Variants in AMPH observed in about 807,000 individuals in gnomAD.
AMPH encodes amphiphysin.
Under a neutral mutation model 99.1 loss-of-function variants are expected in AMPH, and 49 were observed. That is an observed-to-expected ratio of 0.49 (90% CI 0.39 to 0.63). The LOEUF (loss-of-function observed/expected upper bound fraction) is 0.63, where lower values mean the gene tolerates loss of function less well. Ranked by LOEUF, AMPH falls within the 20% of genes least tolerant of loss-of-function variation. AMPH has a pLI of 0.00. For synonymous variants in AMPH, 314 were observed against 317.3 expected (o/e 0.99, Z 0.11); for missense variants, 759 against 863.4 (o/e 0.88, Z 1.52).
At chr7:38,615,363 T>C (rs1417097178) in intron 1 of AMPH, among the ~76,000 whole-genome samples, 1 of 152,132 alleles carries the variant, frequency 6.6e-6, no homozygotes, top group Non-Finnish European at 1.5e-5. Flanking sequence ...AGAATTAAGA[T>C]ACCTTGAGTG....
intron 1 of AMPH, among the ~76,000 whole-genome samples, chr7:38,622,986 G>A (rs1426263562): frequency 6.6e-6 from 1 of 152,050 alleles, no homozygotes; most frequent in Non-Finnish European, 1.5e-5. Context: ...AACGGTATCC[G>A]AATGCTGGAC....
intron 12 of AMPH, among the ~76,000 whole-genome samples, chr7:38,434,589 A>T (rs954854430): frequency 2.0e-5 from 3 of 152,114 alleles, no homozygotes; most frequent in Non-Finnish European, 2.9e-5. Flanking sequence ...AATACAAAAA[A>T]TTAGCCAGTC....
At chr7:38,598,355 C>T (rs529212707) in intron 1 of AMPH, among the ~76,000 whole-genome samples, 6 of 151,948 alleles carry the variant, frequency 3.9e-5, no homozygotes, top group South Asian at 2.1e-4. Flanking sequence ...ATGATCTCAG[C>T]GCAGTGGCAT....
chr7:38,415,038 A>T (rs968320972), intron 17 of AMPH, among the ~76,000 whole-genome samples: 1 of 152,184 alleles, frequency 6.6e-6, no homozygotes, highest in African/African-American at 2.4e-5. Context: ...TAAAGACAAG[A>T]GTGTTGTTTT....
intron 1 of AMPH, among the ~76,000 whole-genome samples, chr7:38,594,798 A>C (rs1050466056): frequency 6.6e-6 from 1 of 152,234 alleles, no homozygotes; most frequent in Admixed American, 6.5e-5. Context: ...AAGCAAGATA[A>C]AGACATCAGT....
intron 1 of AMPH, among the ~76,000 whole-genome samples, chr7:38,554,248 C>T (rs1253214669): frequency 6.6e-6 from 1 of 152,152 alleles, no homozygotes; most frequent in Non-Finnish European, 1.5e-5. Context: ...AGCAGATAAC[C>T]AGGTAAATCT....
At chr7:38,590,842 A>G (rs1299321412) in intron 1 of AMPH, among the ~76,000 whole-genome samples, 1 of 152,256 alleles carries the variant, frequency 6.6e-6, no homozygotes, top group Non-Finnish European at 1.5e-5. Flanking sequence ...ATTGAGGACA[A>G]TGACCACAAG....
intron 1 of AMPH, among the ~76,000 whole-genome samples, chr7:38,552,975 A>G (rs756383442): frequency 6.6e-6 from 1 of 152,138 alleles, no homozygotes; most frequent in Non-Finnish European, 1.5e-5. Flanking sequence ...AACGGACCCA[A>G]TGGACTGCAT....
chr7:38,457,767 T>C (rs535342171), intron 11 of AMPH, among the ~76,000 whole-genome samples: 2 of 152,322 alleles, frequency 1.3e-5, no homozygotes, highest in African/African-American at 4.8e-5. Flanking sequence ...TCAGACTATG[T>C]ACTAAGGCAA....
rs1037324847 is a variant in AMPH, at chr7:38,493,706, C to T, written c.300+727G>A. 6.5e-4 allele frequency among the ~76,000 whole-genome samples: 99 copies of T among 152,086 alleles called. 2 individuals are homozygous for T. Among genetic ancestry groups the T allele is most frequent in the Admixed American group, 6.2e-3 (94 of 15,272 alleles). Reference sequence around the variant, plus strand: ...TCTTCGTGAAGTGAAGATTTGTGAACGGACTAGCTGGTATTAAAGTGGAAT... The same window carrying T: ...TCTTCGTGAAGTGAAGATTTGTGAATGGACTAGCTGGTATTAAAGTGGAAT... On this transcript the variant is annotated intron_variant, in intron 4 of 20. Transcript: ENST00000356264.
chr7:38,534,475 C>A (rs1790525223), intron 2 of AMPH, among the ~76,000 whole-genome samples: 1 of 152,082 alleles, frequency 6.6e-6, no homozygotes, highest in Non-Finnish European at 1.5e-5. Context: ...GAGTTCAAGA[C>A]TATCCTGGGC....
At chr7:38,406,918 T>A (rs1769929870) in intron 17 of AMPH, among the ~76,000 whole-genome samples, 1 of 149,226 alleles carries the variant, frequency 6.7e-6, no homozygotes. Flanking sequence ...CTTTCAGACT[T>A]AGGCTGAGCC....
At position 38,422,475 on chromosome 7, in the gene AMPH, G is replaced by T. The variant is rs1198911379; in HGVS notation, c.1218C>A (p.Pro406=). ...GCATTGTGAATAATGAAGTATCCTG[G>T]GGCTGAAAATCAAGGATAAAAATAG... ...SGGSFNGFTQ[P]QDTSLFTMQT... Residue 406 remains proline, a splice_region_variant and synonymous_variant, in exon 16 of 21, where the codon CCC becomes CCA. Coordinates refer to ENST00000356264, the MANE Select transcript of AMPH (RefSeq NM_001635.4). 2 of 1,612,290 alleles carry T rather than the reference G, an allele frequency of 1.2e-6. No individual in the cohort carries two copies. Among genetic ancestry groups the T allele is most frequent in the Non-Finnish European group, 1.7e-6 (2 of 1,178,860 alleles).
intron 17 of AMPH, among the ~76,000 whole-genome samples, chr7:38,405,332 T>C (rs1784953364): frequency 6.6e-6 from 1 of 152,160 alleles, no homozygotes; most frequent in African/African-American, 2.4e-5. Context: ...GATAACACTA[T>C]GATAGGAACA....
At chr7:38,470,406 A>G (rs1179560314) in intron 7 of AMPH, among the ~76,000 whole-genome samples, 3 of 152,100 alleles carry the variant, frequency 2.0e-5, no homozygotes, top group Non-Finnish European at 4.4e-5. Flanking sequence ...CGTTTACCAA[A>G]GGTGATGCCT....
chr7:38,438,630 G>A (rs1217248245), intron 11 of AMPH, among the ~76,000 whole-genome samples: 2 of 152,112 alleles, frequency 1.3e-5, no homozygotes, highest in African/African-American at 2.4e-5. Context: ...AGAGATGAAG[G>A]ATGAAATGAG....
chr7:38,436,697 C>A (rs992190503), intron 11 of AMPH, among the ~76,000 whole-genome samples: 2 of 152,114 alleles, frequency 1.3e-5, no homozygotes, highest in Non-Finnish European at 2.9e-5. Context: ...CCTAATATAC[C>A]AAGATGCAAG....
At chr7:38,406,985 C>G (rs1785030177) in intron 17 of AMPH, among the ~76,000 whole-genome samples, 1 of 133,612 alleles carries the variant, frequency 7.5e-6, no homozygotes, top group Non-Finnish European at 1.6e-5. Flanking sequence ...GGGACTTTGC[C>G]TTGTAATTGC....
chr7:38,457,529 T>C (rs905055846), intron 11 of AMPH, among the ~76,000 whole-genome samples: 2 of 152,136 alleles, frequency 1.3e-5, no homozygotes, highest in African/African-American at 4.8e-5. Flanking sequence ...TAAAAAAGAA[T>C]GGACAAAGCC....
Sources: gnomAD v4.1 joint callset for allele counts (sites outside exome capture counted in the v4.1 genomes callset) on GRCh38, gnomAD v4.1.1 for gene constraint, MANE v1.5 for transcripts, NCBI Gene and HGNC (gene_info 2026-07-23, HGNC 2026-07-21) for gene names.